The following UST variants were observed in gnomAD, a reference collection of about 807,000 sequenced individuals.
The protein encoded by UST is uronyl 2-sulfotransferase.
Under a neutral mutation model 45.6 loss-of-function variants are expected in UST, and 21 were observed. That is an observed-to-expected ratio of 0.46 (90% CI 0.33 to 0.66). UST has a LOEUF of 0.66. Ranked by LOEUF, UST falls within the 30% of genes least tolerant of loss-of-function variation. The pLI is 0.02. For missense variants in UST, 463 were observed against 512.4 expected, an observed-to-expected ratio of 0.90 and a Z score of 0.93; for synonymous variants, 215 against 200.6, an observed-to-expected ratio of 1.07 and a Z score of -0.61.
At chr6:148,906,717 A>C (rs1190638694) in intron 2 of UST, among the ~76,000 whole-genome samples, 1 of 152,164 alleles carries the variant, frequency 6.6e-6, no homozygotes. Flanking sequence ...CAGATTTCAG[A>C]ATTTCTGCTG....
At chr6:148,964,313 C>T in intron 4 of UST, 97 bp from the exon 5 acceptor site, 1 of 1,455,072 alleles carries the variant, frequency 6.9e-7, no homozygotes, top group Non-Finnish European at 9.4e-7. Flanking sequence ...GGTCATCTTT[C>T]AATAAGTTAA....
intron 4 of UST, among the ~76,000 whole-genome samples, chr6:148,958,454 A>AT (rs1483325784): frequency 6.6e-6 from 1 of 152,192 alleles, no homozygotes; most frequent in Non-Finnish European, 1.5e-5. Flanking sequence ...AGCCAGGCAA[A>AT]TGTTTTTCAC....
chr6:148,994,883 C>G (rs1024905809), intron 5 of UST, among the ~76,000 whole-genome samples: 6 of 152,190 alleles, frequency 3.9e-5, no homozygotes, highest in African/African-American at 1.4e-4. Context: ...CCTTCATAGC[C>G]CTTAATCTAT....
At chr6:148,918,058 C>T (rs188101967) in intron 2 of UST, among the ~76,000 whole-genome samples, 6 of 152,192 alleles carry the variant, frequency 3.9e-5, no homozygotes, top group South Asian at 2.1e-4. Context: ...TGACTGAGGC[C>T]GGATGACCTT....
chr6:148,928,120 A>T (rs1582903745), intron 2 of UST, among the ~76,000 whole-genome samples: 1 of 125,250 alleles, frequency 8.0e-6, no homozygotes, highest in East Asian at 2.3e-4. Flanking sequence ...TCAACCCATC[A>T]CTAAGATTTT....
intron 5 of UST, among the ~76,000 whole-genome samples, chr6:149,003,542 A>G (rs1027863637): frequency 1.3e-5 from 2 of 152,230 alleles, no homozygotes; most frequent in African/African-American, 4.8e-5. Context: ...GGTTTCTGAC[A>G]TCATAGACAG....
chr6:148,911,691 G>C (rs1406249905), intron 2 of UST, among the ~76,000 whole-genome samples: 2 of 151,218 alleles, frequency 1.3e-5, no homozygotes, highest in East Asian at 4.0e-4. Flanking sequence ...AAGAGAAACA[G>C]AAGATAGAAA....
intron 3 of UST, among the ~76,000 whole-genome samples, chr6:148,945,882 A>G (rs940516683): frequency 2.6e-5 from 4 of 152,206 alleles, no homozygotes; most frequent in Non-Finnish European, 4.4e-5. Context: ...AGGCTACTAT[A>G]TCACTATAAA....
At chr6:148,776,576 A>G (rs1328974857) in intron 1 of UST, among the ~76,000 whole-genome samples, 1 of 152,192 alleles carries the variant, frequency 6.6e-6, no homozygotes, top group Non-Finnish European at 1.5e-5. Flanking sequence ...AAAGAGAGAT[A>G]ATTGTAGTAA....
intron 7 of UST, among the ~76,000 whole-genome samples, chr6:149,041,181 T>C (rs1582972554): frequency 6.6e-6 from 1 of 152,204 alleles, no homozygotes; most frequent in Admixed American, 6.5e-5. Flanking sequence ...TTATGGATAT[T>C]GATGCATTTA....
chr6:149,034,693 C>A (rs191406993), intron 7 of UST, among the ~76,000 whole-genome samples: 2 of 152,264 alleles, frequency 1.3e-5, no homozygotes, highest in Admixed American at 1.3e-4. Context: ...TTTAATAACT[C>A]ATTTTACTTC....
At chr6:148,848,355 CA>C (rs1269128884) in intron 1 of UST, among the ~76,000 whole-genome samples, 2 of 152,186 alleles carry the variant, frequency 1.3e-5, no homozygotes, top group Admixed American at 1.3e-4. Context: ...GAACTAAGCA[CA>C]AAGGCTTATT....
At chr6:148,818,679 T>C (rs1220144093) in intron 1 of UST, among the ~76,000 whole-genome samples, 1 of 152,196 alleles carries the variant, frequency 6.6e-6, no homozygotes, top group African/African-American at 2.4e-5. Flanking sequence ...TTGCCAAATA[T>C]TAAGAAAAAT....
At chr6:149,008,259 A>G (rs1164965624) in intron 5 of UST, among the ~76,000 whole-genome samples, 1 of 152,244 alleles carries the variant, frequency 6.6e-6, no homozygotes, top group Non-Finnish European at 1.5e-5. Context: ...GTCAAAAGAT[A>G]AGATTCCATT....
intron 2 of UST, among the ~76,000 whole-genome samples, chr6:148,908,192 C>T (rs1033528908): frequency 3.9e-5 from 6 of 151,970 alleles, no homozygotes; most frequent in African/African-American, 7.3e-5. Flanking sequence ...GCATTTGGCT[C>T]GAGTCAAATC....
intron 1 of UST, among the ~76,000 whole-genome samples, chr6:148,777,016 G>A (rs1776548117): frequency 6.6e-6 from 1 of 152,150 alleles, no homozygotes; most frequent in Admixed American, 6.5e-5. Context: ...GATTCTAACA[G>A]GCAGTAAATT....
intron 1 of UST, among the ~76,000 whole-genome samples, chr6:148,884,555 A>T (rs6935453): frequency 0.012 from 1,819 of 152,232 alleles, 44 homozygotes; most frequent in African/African-American, 0.041. Context: ...AGTGCTCTGA[A>T]CCACAGAGAA....
intron 7 of UST, among the ~76,000 whole-genome samples, chr6:149,056,426 C>G (rs1223141497): frequency 6.6e-6 from 1 of 152,164 alleles, no homozygotes; most frequent in African/African-American, 2.4e-5. Context: ...TTTTCAAAGT[C>G]ATAGCCATGA....
rs371933823 is a variant in UST at position 148,975,313 on chromosome 6, C to T, written c.681+10750C>T. Among the ~76,000 whole-genome samples the T allele has an allele frequency of 9.9e-5, 15 of 152,284 alleles. 4 individuals are homozygous for T. The highest frequency in any genetic ancestry group is 3.9e-4 in the East Asian group (2 of 5,188). On this transcript the variant is annotated intron_variant, in intron 5 of 7. Transcript: ENST00000367463. ...ATGTAACTTGATAATAGAATATCAT[C>T]TTGTCTCTCAGTACCTGTCACAGCT...
Sources: allele counts gnomAD v4.1 joint callset (sites outside exome capture counted in the v4.1 genomes callset), GRCh38; gene constraint gnomAD v4.1.1; transcripts MANE v1.5; gene names NCBI Gene and HGNC (gene_info 2026-07-23, HGNC 2026-07-21).